CDKAL1: variants seen among roughly 807,000 people sequenced by gnomAD.
CDKAL1 encodes the protein CDKAL1 threonylcarbamoyladenosine tRNA methylthiotransferase, also known as threonylcarbamoyladenosine tRNA methylthiotransferase.
In CDKAL1, 32 loss-of-function variants were observed where a neutral mutation model predicts 68.2. The observed-to-expected ratio is 0.47, with a 90% CI of 0.35 to 0.63. The LOEUF (loss-of-function observed/expected upper bound fraction) is 0.63. CDKAL1 is among the 30% of genes least tolerant of loss of function. CDKAL1 has a pLI of 0.00. For missense variants in CDKAL1, 606 were observed against 696.7 expected (o/e 0.87, Z 1.47); for synonymous variants, 234 against 244.3 (o/e 0.96, Z 0.39).
intron 5 of CDKAL1, among the ~76,000 whole-genome samples, chr6:20,655,734 C>T (rs1299184099): frequency 6.6e-6 from 1 of 152,114 alleles, no homozygotes; most frequent in Non-Finnish European, 1.5e-5. Flanking sequence ...TCCATGAAGC[C>T]GGTTCTTGGT....
At chr6:20,814,756 C>T (rs1389898625) in intron 8 of CDKAL1, among the ~76,000 whole-genome samples, 2 of 152,100 alleles carry the variant, frequency 1.3e-5, no homozygotes, top group Non-Finnish European at 2.9e-5. Context: ...TTCCCTGGCC[C>T]CTGTAGTTCC....
At chr6:20,801,084 A>ATTATTT (rs374551019) in intron 8 of CDKAL1, among the ~76,000 whole-genome samples, 1 of 151,678 alleles carries the variant, frequency 6.6e-6, no homozygotes, top group Admixed American at 6.6e-5. Context: ...CACCTGGCTA[A>ATTATTT]TTATTTTTAT....
intron 13 of CDKAL1, among the ~76,000 whole-genome samples, chr6:21,116,651 A>G (rs1426464187): frequency 1.3e-5 from 2 of 152,034 alleles, no homozygotes; most frequent in African/African-American, 2.4e-5. Flanking sequence ...AGAATACCCT[A>G]CTTAGCAGCA....
At chr6:20,593,823 A>C (rs1027056029) in intron 4 of CDKAL1, among the ~76,000 whole-genome samples, 6 of 152,152 alleles carry the variant, frequency 3.9e-5, no homozygotes, top group Non-Finnish European at 8.8e-5. Context: ...TAGTGCTATA[A>C]ATTTCCCTCC....
chr6:20,602,254 T>A (rs1766136131), intron 4 of CDKAL1, among the ~76,000 whole-genome samples: 1 of 152,224 alleles, frequency 6.6e-6, no homozygotes, highest in Admixed American at 6.5e-5. Context: ...CTTCCCTTTA[T>A]TTATCAGTCA....
At position 20,810,490 on chromosome 6, in the gene CDKAL1, G is replaced by A. The variant is rs140085075; in HGVS notation, c.638+29225G>A. ...CTGTTGCCTGTGGTCTTAGCTACTC[G>A]TGAGGCTGAGGTGGGAGGATCGCTT... is the stretch of plus-strand genomic sequence containing the variant. On this transcript the variant is annotated intron_variant, in intron 8 of 15. Transcript: ENST00000274695. Among the ~76,000 whole-genome samples the A allele has an allele frequency of 1.4e-4, 21 of 151,016 alleles. 1 individual carries two copies. The highest frequency in any genetic ancestry group is 4.6e-4 in the African/African-American group (19 of 41,112).
intron 13 of CDKAL1, among the ~76,000 whole-genome samples, chr6:21,115,454 A>G (rs1051698211): frequency 7.2e-5 from 11 of 152,244 alleles, no homozygotes; most frequent in African/African-American, 2.7e-4. Context: ...GCACTCTATG[A>G]TAGCCAGGTT....
At chr6:21,125,379 A>C (rs62404503) in intron 13 of CDKAL1, among the ~76,000 whole-genome samples, 22,675 of 152,102 alleles carry the variant, frequency 0.15, 1,797 homozygotes, top group East Asian at 0.34. Context: ...AGTCAATTGA[A>C]CTTCTTTCCT....
At chr6:20,757,902 G>A (rs1414402205) in intron 6 of CDKAL1, among the ~76,000 whole-genome samples, 1 of 151,598 alleles carries the variant, frequency 6.6e-6, no homozygotes, top group Non-Finnish European at 1.5e-5. Context: ...TTAAACTCTA[G>A]CCATGCTTAC....
intron 13 of CDKAL1, among the ~76,000 whole-genome samples, chr6:21,119,059 A>G (rs1392198580): frequency 1.3e-5 from 2 of 152,080 alleles, no homozygotes; most frequent in East Asian, 1.9e-4. Context: ...TTCACTGGAT[A>G]TAGCTGATGT....
chr6:21,140,930 A>T (rs1775873760), intron 13 of CDKAL1, among the ~76,000 whole-genome samples: 1 of 152,142 alleles, frequency 6.6e-6, no homozygotes, highest in South Asian at 2.1e-4. Context: ...CCAGGAGAAA[A>T]TGAGGAGAGA....
intron 8 of CDKAL1, among the ~76,000 whole-genome samples, chr6:20,789,409 G>A (rs746543362): frequency 6.6e-6 from 1 of 152,142 alleles, no homozygotes; most frequent in Non-Finnish European, 1.5e-5. Context: ...TCAAATGCTG[G>A]CTTAGTGAAT....
chr6:20,851,714 G>A (rs771708662), intron 9 of CDKAL1, among the ~76,000 whole-genome samples: 6 of 150,802 alleles, frequency 4.0e-5, no homozygotes, highest in Non-Finnish European at 7.4e-5. Context: ...TATTAATGTT[G>A]GAATTTTAAA....
intron 6 of CDKAL1, 57 bp from the exon 7 acceptor site, chr6:20,758,538 C>A: frequency 1.3e-6 from 2 of 1,492,322 alleles, no homozygotes; most frequent in East Asian, 2.3e-5. Flanking sequence ...TAAGGATAAA[C>A]ACAAATTTTG....
At chr6:21,089,009 G>T (rs1772852441) in intron 12 of CDKAL1, among the ~76,000 whole-genome samples, 1 of 152,170 alleles carries the variant, frequency 6.6e-6, no homozygotes, top group South Asian at 2.1e-4. Flanking sequence ...ATTATCTATG[G>T]ATACCGGGTC....
chr6:20,609,241 TTCCTTCTTCTTCCTCCTTCCTTCC>T (rs1231915023), intron 4 of CDKAL1, among the ~76,000 whole-genome samples: 2 of 134,402 alleles, frequency 1.5e-5, no homozygotes, highest in Non-Finnish European at 3.1e-5. Context: ...TCCTTCTTCC[TTCCTTCTTCTTCCTCCTTCCTTCC>T]TCCTCCTTCT....
intron 5 of CDKAL1, among the ~76,000 whole-genome samples, chr6:20,650,248 T>A (rs1457924890): frequency 6.6e-6 from 1 of 152,194 alleles, no homozygotes; most frequent in African/African-American, 2.4e-5. Flanking sequence ...CTTTTAATAA[T>A]CGCCATTCTG....
chr6:20,608,645 G>A (rs77717794), intron 4 of CDKAL1, among the ~76,000 whole-genome samples: 4,368 of 152,290 alleles, frequency 0.029, 188 homozygotes, highest in African/African-American at 0.093. Context: ...ATGCGAATAT[G>A]TCTGAAGTTG....
chr6:20,815,523 C>A (rs962629379), intron 8 of CDKAL1, among the ~76,000 whole-genome samples: 1 of 150,898 alleles, frequency 6.6e-6, no homozygotes, highest in Non-Finnish European at 1.5e-5. Flanking sequence ...AATAAACTTT[C>A]TCTTTTTTGA....
Sources: gnomAD v4.1 joint callset for allele counts (sites outside exome capture counted in the v4.1 genomes callset) on GRCh38, gnomAD v4.1.1 for gene constraint, MANE v1.5 for transcripts, NCBI Gene and HGNC (gene_info 2026-07-23, HGNC 2026-07-21) for gene names.